HIP1: variants seen among roughly 807,000 people sequenced by gnomAD.
HIP1 encodes the protein huntingtin interacting protein 1.
A neutral mutation model predicts 147.6 loss-of-function variants in HIP1; 65 were observed. The observed-to-expected ratio is 0.44, with a 90% CI of 0.36 to 0.54. The LOEUF (loss-of-function observed/expected upper bound fraction) is 0.54. Ranked by LOEUF, HIP1 falls within the 20% of genes least tolerant of loss-of-function variation. The pLI is 0.00. For synonymous variants in HIP1, 479 were observed against 504.0 expected (o/e 0.95, Z 0.67); for missense variants, 1,061 against 1,299.6 (o/e 0.82, Z 2.82).
At chr7:75,622,530 G>A (rs782715631) in intron 1 of HIP1, among the ~76,000 whole-genome samples, 2 of 151,292 alleles carry the variant, frequency 1.3e-5, no homozygotes, top group African/African-American at 4.9e-5. Flanking sequence ...GTGAAACCCC[G>A]TCTCTACCAA....
At chr7:75,647,830 G>A (rs1554511316) in intron 1 of HIP1, among the ~76,000 whole-genome samples, 1 of 152,246 alleles carries the variant, frequency 6.6e-6, no homozygotes, top group African/African-American at 2.4e-5. Flanking sequence ...TGGGTGCAGT[G>A]TGCTTGAAGA....
At chr7:75,733,402 T>G (rs1341241193) in intron 1 of HIP1, 1 of 151,656 alleles carries the variant, frequency 6.6e-6, no homozygotes, top group Non-Finnish European at 1.5e-5. Context: ...CGGCTGGGTT[T>G]TCTTTTCTTT....
At chr7:75,636,024 CAAA>C (rs34434184) in intron 1 of HIP1, among the ~76,000 whole-genome samples, 13,787 of 52,808 alleles carry the variant, frequency 0.26, 939 homozygotes, top group Non-Finnish European at 0.33. Context: ...GACCCTGTCT[CAAA>C]AAAAAAAAAA....
intron 9 of HIP1, among the ~76,000 whole-genome samples, chr7:75,563,855 G>A (rs1487030839): frequency 6.6e-6 from 1 of 152,178 alleles, no homozygotes; most frequent in East Asian, 1.9e-4. Context: ...CTAATCTTGG[G>A]TGGATATGCA....
At chr7:75,624,534 A>G (rs1181055007) in intron 1 of HIP1, among the ~76,000 whole-genome samples, 1 of 152,194 alleles carries the variant, frequency 6.6e-6, no homozygotes, top group African/African-American at 2.4e-5. Context: ...CGAAGCCTCC[A>G]GGCCTGACAG....
chr7:75,574,075 C>T (rs1795746309), intron 7 of HIP1, among the ~76,000 whole-genome samples, 174 bp from the exon 8 acceptor site: 1 of 152,084 alleles, frequency 6.6e-6, no homozygotes, highest in Admixed American at 6.6e-5. Context: ...AAACGTATCC[C>T]CATTAAACAG....
At chr7:75,645,171 A>G (rs1798762900) in intron 1 of HIP1, among the ~76,000 whole-genome samples, 1 of 152,150 alleles carries the variant, frequency 6.6e-6, no homozygotes, top group Admixed American at 6.6e-5. Flanking sequence ...ACCAGGCACT[A>G]TGACAAGCAC....
rs182419431 is a variant in HIP1 at position 75,700,071 on chromosome 7, G to A, written c.120+38730C>T. 2.3e-4 allele frequency among the ~76,000 whole-genome samples: 35 copies of A among 152,184 alleles called. No individual in the cohort carries two copies. In the East Asian group the frequency reaches 6.4e-3, roughly 28 times the overall value. On this transcript the variant is annotated intron_variant, in intron 1 of 30. Transcript: ENST00000336926. ...TTGCCATGCTGGCCAGGCTGGTCTC[G>A]AACTCCTGGCCTCAAGTGATCCGCC...
At chr7:75,551,928 T>C (rs1318914138) in intron 22 of HIP1, among the ~76,000 whole-genome samples, 6 of 152,028 alleles carry the variant, frequency 3.9e-5, no homozygotes, top group African/African-American at 1.4e-4. Context: ...TCGCTCCTGT[T>C]GCCCAGGTTG....
At chr7:75,559,582 A>G in intron 14 of HIP1, 150 bp downstream of exon 14, 1 of 674,764 alleles carries the variant, frequency 1.5e-6, no homozygotes. Context: ...CGCCCTCTGG[A>G]CTGAGGCTAA....
At chr7:75,668,614 C>G (rs1198774367) in intron 1 of HIP1, among the ~76,000 whole-genome samples, 1 of 151,934 alleles carries the variant, frequency 6.6e-6, no homozygotes, top group Non-Finnish European at 1.5e-5. Flanking sequence ...CATGAGCCAC[C>G]ACCCCTGGCC....
intron 24 of HIP1, among the ~76,000 whole-genome samples, chr7:75,547,237 G>T (rs781910492): frequency 1.3e-5 from 2 of 152,074 alleles, no homozygotes; most frequent in Non-Finnish European, 2.9e-5. Flanking sequence ...GGTCTCCATC[G>T]TAAGGAATAG....
At chr7:75,612,007 C>G (rs2525460) in intron 1 of HIP1, 66,358 of 304,832 alleles carry the variant, frequency 0.22, 17,086 homozygotes, top group African/African-American at 0.8. Context: ...GGCCTGTGGG[C>G]CCAGTTGGAC....
At chr7:75,589,791 T>C (rs1182595834) in intron 4 of HIP1, among the ~76,000 whole-genome samples, 1 of 144,284 alleles carries the variant, frequency 6.9e-6, no homozygotes, top group African/African-American at 2.5e-5. Flanking sequence ...AGTGCAGTGG[T>C]GCGATCTCGG....
At chr7:75,592,272 G>A in intron 3 of HIP1, 100 bp downstream of exon 3, 1 of 1,459,330 alleles carries the variant, frequency 6.9e-7, no homozygotes, top group South Asian at 1.2e-5. Flanking sequence ...CCAGGAGAAG[G>A]GGGCAGTGTG....
rs569914228 is a variant in HIP1 at position 75,690,140 on chromosome 7, C to T, written c.120+48661G>A. On this transcript the variant is annotated intron_variant, in intron 1 of 30. Transcript: ENST00000336926. ...AATTTTAAAAATTAGCTGGGCTTGG[C>T]GGCACATGCCTGTAGTAGTTCCAGC... Among the ~76,000 whole-genome samples, 13 of 152,070 alleles carry T rather than the reference C, an allele frequency of 8.5e-5. 1 individual carries two copies. Among genetic ancestry groups the T allele is most frequent in the African/African-American group, 2.7e-4 (11 of 41,502 alleles).
chr7:75,647,492 C>T (rs1302980481), intron 1 of HIP1, among the ~76,000 whole-genome samples: 1 of 152,204 alleles, frequency 6.6e-6, no homozygotes, highest in Non-Finnish European at 1.5e-5. Flanking sequence ...TGGTTCTAGT[C>T]CTGTTTACCA....
intron 2 of HIP1, among the ~76,000 whole-genome samples, chr7:75,594,708 A>T (rs587718023): frequency 6.6e-6 from 1 of 152,296 alleles, no homozygotes; most frequent in African/African-American, 2.4e-5. Flanking sequence ...TGGGAGATGG[A>T]GGTTGCAGTG....
rs1794583177 is a variant in HIP1 at position 75,546,847 on chromosome 7, C to G, written c.2559+92G>C. ...GCTGCTCTGTACTCAGGTGGACACA[C>G]AGAGTAAGACGGCAGCATCACAGAG... On this transcript the variant is annotated intron_variant, in intron 25 of 30. Coordinates refer to ENST00000336926, the MANE Select transcript of HIP1 (RefSeq NM_005338.7). The G allele has an allele frequency of 3.0e-5, 27 of 898,964 alleles. No individual in the cohort carries two copies. The Admixed American group carries it at 5.6e-4, about 19-fold the overall frequency. The allele number at this position is 898,964 out of a possible 1,614,324, so 55.7% of individuals were successfully genotyped here.
Sources: gnomAD v4.1 joint callset for allele counts (sites outside exome capture counted in the v4.1 genomes callset) on GRCh38, gnomAD v4.1.1 for gene constraint, MANE v1.5 for transcripts, NCBI Gene and HGNC (gene_info 2026-07-23, HGNC 2026-07-21) for gene names.